The following BRINP1 variants were observed in gnomAD, a reference collection of about 807,000 sequenced individuals.
BRINP1 encodes the protein BMP/retinoic acid-inducible neural-specific protein 1.
BRINP1 carries 17 observed loss-of-function variants against 72.9 expected under a neutral mutation model. The observed-to-expected ratio is 0.23, with a 90% CI of 0.16 to 0.35. BRINP1 has a LOEUF of 0.35. Ranked by LOEUF, BRINP1 falls within the 10% of genes least tolerant of loss-of-function variation. The pLI, the probability that BRINP1 is intolerant of heterozygous loss-of-function variation, is 1.00. For synonymous variants in BRINP1, 418 were observed against 378.5 expected, an observed-to-expected ratio of 1.10 and a Z score of -1.21; for missense variants, 850 against 1,001.6, an observed-to-expected ratio of 0.85 and a Z score of 2.04.
intron 1 of BRINP1, among the ~76,000 whole-genome samples, chr9:119,317,661 C>G (rs1274924757): frequency 6.6e-6 from 1 of 152,192 alleles, no homozygotes; most frequent in Non-Finnish European, 1.5e-5. Context: ...GCATCACATT[C>G]TACAAAATTA....
At chr9:119,310,571 A>G (rs1172792901) in intron 2 of BRINP1, among the ~76,000 whole-genome samples, 1 of 152,184 alleles carries the variant, frequency 6.6e-6, no homozygotes, top group Non-Finnish European at 1.5e-5. Flanking sequence ...GCTTCTTCCC[A>G]GTTTCTTTCT....
Position 119,166,970 on chromosome 9 carries a change from T to C in BRINP1, c.*114A>G, listed in dbSNP as rs1829320364. On this transcript the variant is annotated 3_prime_UTR_variant, in exon 8 of 8. Transcript: ENST00000265922. ...AAATGAAGATTTTCCTCCTTTTCTT[T>C]GAATATTAATTACATTTTACAAATT... 8.7e-7 allele frequency: 1 copy of C among 1,149,736 alleles called. No individual in the cohort carries two copies. Among genetic ancestry groups the C allele is most frequent in the African/African-American group, 1.6e-5 (1 of 64,506 alleles). 71.2% of individuals were successfully genotyped at this position (1,149,736 alleles called of 1,614,324 possible).
At chr9:119,319,200 C>G (rs1009677085) in intron 1 of BRINP1, among the ~76,000 whole-genome samples, 4 of 152,142 alleles carry the variant, frequency 2.6e-5, no homozygotes, top group Admixed American at 6.5e-5. Flanking sequence ...CTCCTATCTT[C>G]TAGCTCTCGG....
At chr9:119,297,881 G>T (rs1320865992) in intron 2 of BRINP1, among the ~76,000 whole-genome samples, 1 of 152,136 alleles carries the variant, frequency 6.6e-6, no homozygotes, top group Non-Finnish European at 1.5e-5. Context: ...AAAGAACTTT[G>T]TTCTGTCTGC....
intron 2 of BRINP1, among the ~76,000 whole-genome samples, chr9:119,259,653 T>C (rs1274196084): frequency 1.3e-5 from 2 of 152,210 alleles, no homozygotes; most frequent in African/African-American, 2.4e-5. Context: ...CCATTAAACA[T>C]TGCAATTATA....
At chr9:119,309,685 A>C (rs185860268) in intron 2 of BRINP1, among the ~76,000 whole-genome samples, 84 of 152,262 alleles carry the variant, frequency 5.5e-4, no homozygotes, top group African/African-American at 2.0e-3. Context: ...ATCCCTTTCT[A>C]CAGAGGGGGA....
chr9:119,269,497 G>C (rs919211298), intron 2 of BRINP1, among the ~76,000 whole-genome samples: 1 of 152,026 alleles, frequency 6.6e-6, no homozygotes, highest in African/African-American at 2.4e-5. Context: ...CTTACTCCAT[G>C]GTTTCTTTTC....
intron 2 of BRINP1, among the ~76,000 whole-genome samples, chr9:119,270,658 A>G (rs503417): frequency 0.89 from 134,887 of 152,056 alleles, 60,301 homozygotes; most frequent in East Asian, 0.99. Flanking sequence ...GACAGATTTA[A>G]CTGACAATGA....
chr9:119,200,593 C>T (rs557852424), intron 7 of BRINP1, among the ~76,000 whole-genome samples: 2 of 142,590 alleles, frequency 1.4e-5, no homozygotes, highest in Admixed American at 7.4e-5. Context: ...CACTGCACTT[C>T]GGCCTGGGTG....
At position 119,167,355 on chromosome 9, in the gene BRINP1, G is replaced by A. The variant is rs773171289; in HGVS notation, c.2015C>T (p.Ala672Val). The A allele has an allele frequency of 8.7e-6, 14 of 1,614,016 alleles. No homozygotes were observed. The highest frequency in any genetic ancestry group is 1.1e-5 in the Non-Finnish European group (13 of 1,180,036). ...LRFNADLLRSAVQQVNQSYTQ... is the reference protein window; with the variant it reads ...LRFNADLLRSVVQQVNQSYTQ... Reference sequence around the variant, plus strand: ...GTAGGACTGGTTGACCTGCTGCACTGCACTGCGCAGGAGGTCGGCGTTGAA... The same window carrying A: ...GTAGGACTGGTTGACCTGCTGCACTACACTGCGCAGGAGGTCGGCGTTGAA... The change falls in exon 8 of 8, where the codon GCA (alanine) becomes GTA (valine). Residue 672 changes from alanine (A) to valine (V), a missense_variant. By Grantham distance (64) the Ala-to-Val change is moderately conservative. Coordinates refer to ENST00000265922, the MANE Select transcript of BRINP1 (RefSeq NM_014618.3). This position sits in a 1 kb window ranked among gnomAD's most constrained non-coding sequence, Gnocchi z 4.3.
rs1266555204 is a variant in BRINP1 at position 119,311,956 on chromosome 9, T to C, written c.218+1182A>G. 2.0e-5 allele frequency among the ~76,000 whole-genome samples: 3 copies of C among 152,170 alleles called. No homozygotes were observed. In the East Asian group the frequency reaches 5.8e-4, roughly 29 times the overall value. The stretch of plus-strand genomic sequence containing the variant: ...ATGACTTAAAGTAACACACTCAACC[T>C]CCAAATTCCTGATTTTCCCATCTGT... On this transcript the variant is annotated intron_variant, in intron 2 of 7. Transcript: ENST00000265922.
chr9:119,183,615 C>T (rs570111490), intron 7 of BRINP1, among the ~76,000 whole-genome samples: 6 of 152,082 alleles, frequency 3.9e-5, no homozygotes, highest in African/African-American at 1.2e-4. Flanking sequence ...ACTTTCTGTA[C>T]GTATGTAATA....
chr9:119,247,713 A>C (rs1014749248), intron 3 of BRINP1, among the ~76,000 whole-genome samples: 1 of 151,242 alleles, frequency 6.6e-6, no homozygotes, highest in East Asian at 1.9e-4. Context: ...TCAAAAACAG[A>C]ATGCAGGCTT....
intron 2 of BRINP1, among the ~76,000 whole-genome samples, chr9:119,267,997 C>A (rs556051578): frequency 3.9e-5 from 6 of 152,278 alleles, no homozygotes; most frequent in African/African-American, 1.2e-4. Flanking sequence ...AATCCCAGCA[C>A]TTTGGGAGGC....
intron 2 of BRINP1, among the ~76,000 whole-genome samples, chr9:119,263,588 CCAGTAAA>C (rs575884818): frequency 4.9e-4 from 70 of 143,428 alleles, no homozygotes; most frequent in African/African-American, 1.8e-3. Context: ...TATAAAATAC[CCAGTAAA>C]CAATTCTTTT....
At chr9:119,362,565 A>G (rs1831646133) in intron 1 of BRINP1, among the ~76,000 whole-genome samples, 1 of 152,162 alleles carries the variant, frequency 6.6e-6, no homozygotes, top group Admixed American at 6.5e-5. Flanking sequence ...ACTTTGTCCA[A>G]AGCCTTTCCA....
intron 7 of BRINP1, among the ~76,000 whole-genome samples, chr9:119,208,445 G>A (rs1829882180): frequency 6.6e-6 from 1 of 152,076 alleles, no homozygotes; most frequent in South Asian, 2.1e-4. Flanking sequence ...ATAACTATCA[G>A]GGCTAGTGTT....
chr9:119,344,104 G>A (rs1641976787), intron 1 of BRINP1, among the ~76,000 whole-genome samples: 1 of 152,114 alleles, frequency 6.6e-6, no homozygotes, highest in Non-Finnish European at 1.5e-5. Context: ...AGCTCAGTCT[G>A]TTTCCCACTC....
chr9:119,279,338 G>C (rs758096057), intron 2 of BRINP1, among the ~76,000 whole-genome samples: 1 of 152,044 alleles, frequency 6.6e-6, no homozygotes, highest in Non-Finnish European at 1.5e-5. Context: ...ATTAACCATG[G>C]GGATTTCGCC....
Sources: gnomAD v4.1 joint callset for allele counts (sites outside exome capture counted in the v4.1 genomes callset) on GRCh38, gnomAD v4.1.1 for gene constraint, Gnocchi (gnomAD v3.1) non-coding constraint, MANE v1.5 for transcripts, NCBI Gene and HGNC (gene_info 2026-07-23, HGNC 2026-07-21) for gene names.